LRSAM1: variants seen among roughly 807,000 people sequenced by gnomAD.
LRSAM1 encodes E3 ubiquitin-protein ligase LRSAM1.
A neutral mutation model predicts 118.1 loss-of-function variants in LRSAM1; 96 were observed. That is an observed-to-expected ratio of 0.81 (90% confidence interval 0.69 to 0.96). The LOEUF (loss-of-function observed/expected upper bound fraction) is 0.96, where lower values mean the gene tolerates loss of function less well. LRSAM1 is among the 40% of genes least tolerant of loss of function. LRSAM1 has a pLI of 0.00. For missense variants in LRSAM1, 804 were observed against 915.5 expected, an observed-to-expected ratio of 0.88 and a Z score of 1.57; for synonymous variants, 322 against 364.2, an observed-to-expected ratio of 0.88 and a Z score of 1.32.
chr9:127,490,246 TTTTCTTTCTTTCTTTC>T (rs146824383), intron 19 of LRSAM1, among the ~76,000 whole-genome samples: 2 of 150,266 alleles, frequency 1.3e-5, no homozygotes, highest in East Asian at 2.0e-4. Context: ...CTTTCTCTAT[TTTTCTTTCTTTCTTTC>T]TTTCTTTCTT....
chr9:127,452,640 A>G (rs1020467293), intron 2 of LRSAM1, among the ~76,000 whole-genome samples: 21 of 152,212 alleles, frequency 1.4e-4, no homozygotes, highest in African/African-American at 5.1e-4. Context: ...ACATACATGA[A>G]GTCGCTGGAT....
rs1352648347 is a variant in LRSAM1 at position 127,503,028 on chromosome 9, C to G, written c.*129C>G. 2 of 1,220,968 alleles carry G rather than the reference C, an allele frequency of 1.6e-6. No homozygotes were observed. The highest frequency in any genetic ancestry group is 3.0e-5 in the African/African-American group (2 of 66,656). 75.6% of individuals were successfully genotyped at this position (1,220,968 alleles called of 1,614,324 possible). A position where few individuals can be genotyped will look rare whatever the true frequency, so the allele number is the denominator to read the frequency against. On this transcript the variant is annotated 3_prime_UTR_variant, in exon 26 of 26. Coordinates refer to ENST00000300417, the MANE Select transcript of LRSAM1 (RefSeq NM_001005373.4). Reference sequence around the variant, plus strand: ...CCTGCCCTGGGCCCCTTCCCCACTGCCCAGGAGCCCCCATCCTAAGCTCCA... The same window carrying G: ...CCTGCCCTGGGCCCCTTCCCCACTGGCCAGGAGCCCCCATCCTAAGCTCCA...
At position 127,481,169 on chromosome 9, in the gene LRSAM1, G is replaced by T; in HGVS notation, c.1044-14G>T. The T allele has an allele frequency of 6.2e-7, 1 of 1,613,804 alleles. No homozygotes were observed. Among genetic ancestry groups the T allele is most frequent in the South Asian group, 1.1e-5 (1 of 91,070 alleles). On this transcript the variant is annotated splice_polypyrimidine_tract_variant and intron_variant, in intron 14 of 25. Transcript: ENST00000300417. ...GCTGGTGACTGCCAGGACCTTTTAT[G>T]ATTTTCTCCACAGACAAAAGAAAAG...
chr9:127,495,317 C>T lies in LRSAM1; in HGVS notation c.1600-3C>T. ...CTAACATTGCCTGCTTCATTCCTGG[C>T]AGACGGAGTTAGAAGCCAAAAGTGA... On this transcript the variant is annotated splice_region_variant and splice_polypyrimidine_tract_variant and intron_variant, in intron 21 of 25. Transcript: ENST00000300417. The T allele has an allele frequency of 1.2e-6, 2 of 1,613,434 alleles. No homozygotes were observed. The highest frequency in any genetic ancestry group is 8.5e-7 in the Non-Finnish European group (1 of 1,179,448).
At position 127,455,620 on chromosome 9, in the gene LRSAM1, G is replaced by T. The variant is rs2131991775; in HGVS notation, c.174G>T (p.Lys58Asn). 6.2e-7 allele frequency: 1 copy of T among 1,613,640 alleles called. No homozygotes were observed. Among genetic ancestry groups the T allele is most frequent in the Non-Finnish European group, 8.5e-7 (1 of 1,179,970 alleles). Residue 58 changes from lysine (K) to asparagine (N), a missense_variant and splice_region_variant, in exon 5 of 26, where the codon AAG becomes AAT. Transcript: ENST00000300417. ...CAACATGCAAAGTTCTGCAGAAGAAGGTAAGATGGAGCTTCATCTTCAGAG... is the reference window on the plus strand; with the variant it reads ...CAACATGCAAAGTTCTGCAGAAGAATGTAAGATGGAGCTTCATCTTCAGAG... ...AFATCKVLQK[K>N]VLIVHTNHLT... is the part of the protein sequence containing the mutation.
In LRSAM1 at chr9:127,479,970, C is replaced by T. The variant is rs766701971; in HGVS notation, c.1035C>T (p.Asp345=). Residue 345 remains aspartate (D), a synonymous_variant, in exon 14 of 26, where the codon GAC becomes GAT. Transcript: ENST00000300417. ...ISSRIQKLLQ[D]NQRQKKSSEI... ...GCCGGATCCAGAAGCTGCTGCAGGA[C>T]AATCAGAGGTTGGGCTCTGCTCCTC... 11 of 1,614,080 alleles carry T rather than the reference C, an allele frequency of 6.8e-6. No individual in the cohort carries two copies. The highest frequency in any genetic ancestry group is 1.1e-5 in the South Asian group (1 of 91,096).
intron 6 of LRSAM1, among the ~76,000 whole-genome samples, chr9:127,458,245 G>A (rs979819092): frequency 9.9e-5 from 15 of 151,940 alleles, no homozygotes; most frequent in African/African-American, 2.4e-4. Context: ...AGCCGGGCGC[G>A]GTGGCGGGCG....
At chr9:127,477,503 A>C (rs1436677904) in intron 11 of LRSAM1, among the ~76,000 whole-genome samples, 1 of 152,132 alleles carries the variant, frequency 6.6e-6, no homozygotes, top group Admixed American at 6.5e-5. Context: ...TAATCCCAGC[A>C]CTTTGGGAGG....
chr9:127,500,700 G>A (rs967775962), intron 24 of LRSAM1, among the ~76,000 whole-genome samples: 5 of 152,246 alleles, frequency 3.3e-5, no homozygotes, highest in Non-Finnish European at 7.3e-5. Flanking sequence ...CTCTGAAAGT[G>A]CCAAGCCCTA....
At chr9:127,487,455 A>T (rs1298830151) in intron 17 of LRSAM1, 3 of 503,778 alleles carry the variant, frequency 6.0e-6, no homozygotes, top group Admixed American at 2.8e-5. Flanking sequence ...ACCTGGAAGC[A>T]TCTCTCTCCC....
chr9:127,502,750 C>A (rs1836442238), intron 25 of LRSAM1, 24 bp from the exon 26 acceptor site: 1 of 1,603,666 alleles, frequency 6.2e-7, no homozygotes. Flanking sequence ...GGGCCAGCCA[C>A]ATGCTCCCGC....
chr9:127,496,140 G>T (rs552689988), intron 23 of LRSAM1, 45 bp downstream of exon 23: 1 of 1,599,880 alleles, frequency 6.3e-7, no homozygotes. Context: ...ACGCAAGGCC[G>T]CTGTCCTGAC....
intron 11 of LRSAM1, 31 bp downstream of exon 11, chr9:127,473,962 A>ATATGTG (rs772261735): frequency 1.9e-6 from 3 of 1,612,258 alleles, no homozygotes; most frequent in South Asian, 1.1e-5. Flanking sequence ...GCACGCATAC[A>ATATGTG]TGTGTGTGTG....
At chr9:127,477,462 C>A (rs1835381220) in intron 11 of LRSAM1, among the ~76,000 whole-genome samples, 1 of 152,200 alleles carries the variant, frequency 6.6e-6, no homozygotes, top group South Asian at 2.1e-4. Flanking sequence ...TCAAAAAATA[C>A]CTGTGTGCCA....
chr9:127,480,386 A>G (rs2132065782), intron 14 of LRSAM1, among the ~76,000 whole-genome samples: 1 of 152,350 alleles, frequency 6.6e-6, no homozygotes, highest in African/African-American at 2.4e-5. Context: ...TGTGCAAGGT[A>G]CGAGCTAGTA....
Position 127,461,277 on chromosome 9 carries a change from G to A in LRSAM1, c.406+20G>A, listed in dbSNP as rs776143892. 8 of 1,604,940 alleles carry A rather than the reference G, an allele frequency of 5.0e-6. No homozygotes were observed. In the African/African-American group the frequency reaches 1.1e-4, roughly 21 times the overall value. On this transcript the variant is annotated intron_variant, in intron 8 of 25. Transcript: ENST00000300417. ...TTAAAGGTAGGGACCAAGAAGCCGTGTCCGTGTGACCCTCCATCAGCTCTG... is the reference window on the plus strand; with the variant it reads ...TTAAAGGTAGGGACCAAGAAGCCGTATCCGTGTGACCCTCCATCAGCTCTG...
At chr9:127,469,158 AGACTT>A (rs1835071039) in intron 10 of LRSAM1, among the ~76,000 whole-genome samples, 1 of 152,144 alleles carries the variant, frequency 6.6e-6, no homozygotes, top group Non-Finnish European at 1.5e-5. Flanking sequence ...CATTAGCAAA[AGACTT>A]GACTAAGAAT....
intron 24 of LRSAM1, among the ~76,000 whole-genome samples, chr9:127,497,605 C>T (rs568741521): frequency 6.6e-6 from 1 of 152,154 alleles, no homozygotes; most frequent in Non-Finnish European, 1.5e-5. Context: ...AGCCTTCCCT[C>T]AGTCCACCCT....
chr9:127,485,042 C>T (rs929654875), intron 16 of LRSAM1, among the ~76,000 whole-genome samples: 13 of 151,898 alleles, frequency 8.6e-5, no homozygotes, highest in Non-Finnish European at 1.8e-4. Flanking sequence ...TCCTGACCTC[C>T]GGTGATCCAC....
Sources: gnomAD v4.1 joint callset for allele counts (sites outside exome capture counted in the v4.1 genomes callset) on GRCh38, gnomAD v4.1.1 for gene constraint, MANE v1.5 for transcripts, NCBI Gene and HGNC (gene_info 2026-07-23, HGNC 2026-07-21) for gene names.